TNFAIP8L3: variants seen among roughly 807,000 people sequenced by gnomAD.
TNFAIP8L3 encodes the protein TNF alpha induced protein 8 like 3.
TNFAIP8L3 carries 7 observed loss-of-function variants against 11.8 expected under a neutral mutation model. The ratio of observed to expected loss-of-function variants is 0.59; its 90% CI spans 0.34 to 1.11. The LOEUF is 1.11. Among genes scored for constraint, TNFAIP8L3 ranks in the 50% most tolerant of loss-of-function variants. The probability of loss-of-function intolerance (pLI) is 0.03; values close to 1 mark genes in which losing one functional copy is unlikely to be tolerated. For missense variants in TNFAIP8L3, 219 were observed against 258.6 expected (o/e 0.85, Z 1.05); for synonymous variants, 98 against 103.8 (o/e 0.94, Z 0.34).
chr15:51,058,239 A>G lies in TNFAIP8L3; in HGVS notation c.257T>C (p.Ile86Thr), dbSNP rs776624740. 1 of 1,614,114 alleles carries G rather than the reference A, an allele frequency of 6.2e-7. No homozygotes were observed. Among genetic ancestry groups the G allele is most frequent in the Non-Finnish European group, 8.5e-7 (1 of 1,180,032 alleles). ...KIMKDLIKVA[I>T]KIGILYRNNQ... ...GTTCCGGTAGAGGATCCCGATTTTG[A>G]TCGCCACCTTGATTAAGTCTTTCAT... The change falls in exon 2 of 2, where the codon ATC (isoleucine) becomes ACC (threonine). Residue 86 changes from isoleucine to threonine, a missense_variant. By Grantham distance (89) the Ile-to-Thr change is moderately conservative. Transcript: ENST00000637513.
chr15:51,101,945 C>CAAAAAAAAAAAAAAAAAAAAAAA (rs11297566), intron 1 of TNFAIP8L3, among the ~76,000 whole-genome samples: 5 of 85,716 alleles, frequency 5.8e-5, no homozygotes, highest in Admixed American at 4.0e-4. Flanking sequence ...GACTCTGTCT[C>CAAAAAAAAAAAAAAAAAAAAAAA]AAAAAAAAAA....
In TNFAIP8L3 at chr15:51,058,600, G is replaced by T. The variant is rs185361959; in HGVS notation, c.53-157C>A. Reference sequence around the variant, plus strand: ...CCTAACTAAACCCCACCCCAGCCTGGTTCCCCCACTTTCCTCTCCACATGA... The same window carrying T: ...CCTAACTAAACCCCACCCCAGCCTGTTTCCCCCACTTTCCTCTCCACATGA... On this transcript the variant is annotated intron_variant, in intron 1 of 1. Transcript: ENST00000637513. Among the ~76,000 whole-genome samples, 1,021 of 152,136 alleles carry T rather than the reference G, an allele frequency of 6.7e-3. 16 individuals are homozygous for T. Among genetic ancestry groups the T allele is most frequent in the African/African-American group, 0.024 (981 of 41,488 alleles).
At chr15:51,060,450 T>C (rs2065235130) in intron 1 of TNFAIP8L3, among the ~76,000 whole-genome samples, 1 of 152,224 alleles carries the variant, frequency 6.6e-6, no homozygotes, top group Non-Finnish European at 1.5e-5. Context: ...AAATGAGTCA[T>C]GGCTTTGTAG....
chr15:51,074,950 C>G (rs1354032636), intron 1 of TNFAIP8L3, among the ~76,000 whole-genome samples: 1 of 152,246 alleles, frequency 6.6e-6, no homozygotes, highest in Non-Finnish European at 1.5e-5. Context: ...GACTGGCCAT[C>G]TACTTTCCGC....
intron 1 of TNFAIP8L3, among the ~76,000 whole-genome samples, chr15:51,103,198 A>G (rs375933971): frequency 5.3e-5 from 8 of 152,292 alleles, no homozygotes; most frequent in African/African-American, 1.7e-4. Flanking sequence ...CAACCCTTCT[A>G]AAAGAGGAAT....
At chr15:51,103,938 G>C (rs2065571109) in intron 1 of TNFAIP8L3, among the ~76,000 whole-genome samples, 1 of 152,040 alleles carries the variant, frequency 6.6e-6, no homozygotes, top group Non-Finnish European at 1.5e-5. Context: ...GTTACTGGCA[G>C]GAAAGAGGAG....
At chr15:51,075,383 G>A (rs550537018) in intron 1 of TNFAIP8L3, among the ~76,000 whole-genome samples, 1 of 152,282 alleles carries the variant, frequency 6.6e-6, no homozygotes, top group East Asian at 1.9e-4. Context: ...CTCCATGGCA[G>A]AAGCACCCCT....
At chr15:51,083,908 G>T (rs1450733228) in intron 1 of TNFAIP8L3, among the ~76,000 whole-genome samples, 16 of 152,242 alleles carry the variant, frequency 1.1e-4, no homozygotes, top group Admixed American at 1.0e-3. Flanking sequence ...AGGACGGAGG[G>T]GCCTGGGACA....
At chr15:51,062,770 C>G (rs991510694) in intron 1 of TNFAIP8L3, among the ~76,000 whole-genome samples, 1 of 152,156 alleles carries the variant, frequency 6.6e-6, no homozygotes, top group Non-Finnish European at 1.5e-5. Flanking sequence ...TTAAGGTGTT[C>G]TATCAATTCC....
intron 1 of TNFAIP8L3, among the ~76,000 whole-genome samples, chr15:51,085,468 T>C (rs2065420989): frequency 6.6e-6 from 1 of 152,166 alleles, no homozygotes; most frequent in Non-Finnish European, 1.5e-5. Flanking sequence ...GGGCCTGTGC[T>C]GGTCTGACCT....
intron 1 of TNFAIP8L3, among the ~76,000 whole-genome samples, chr15:51,093,411 T>C (rs1210349956): frequency 1.3e-5 from 2 of 152,218 alleles, no homozygotes; most frequent in Non-Finnish European, 2.9e-5. Flanking sequence ...AATAACTGCC[T>C]GGCCAGGGGC....
intron 1 of TNFAIP8L3, among the ~76,000 whole-genome samples, chr15:51,061,177 T>C (rs1397299447): frequency 6.6e-6 from 1 of 152,186 alleles, no homozygotes; most frequent in Non-Finnish European, 1.5e-5. Context: ...TTATTTTATT[T>C]TGTTTTTTGA....
chr15:51,097,855 G>C (rs542152695), upstream of TNFAIP8L3, among the ~76,000 whole-genome samples: 1 of 45,898 alleles, frequency 2.2e-5, no homozygotes, highest in African/African-American at 6.6e-5. Flanking sequence ...TATTTCTTGT[G>C]GGGGGGGAAA....
At chr15:51,075,191 C>G (rs773114672) in intron 1 of TNFAIP8L3, among the ~76,000 whole-genome samples, 4 of 152,174 alleles carry the variant, frequency 2.6e-5, no homozygotes, top group Non-Finnish European at 2.9e-5. Context: ...GCAGGTGGAA[C>G]TGAATGTACT....
intron 1 of TNFAIP8L3, among the ~76,000 whole-genome samples, chr15:51,090,803 C>T (rs1161434065): frequency 6.6e-6 from 1 of 152,174 alleles, no homozygotes; most frequent in African/African-American, 2.4e-5. Context: ...CATGGAAATG[C>T]TTTTCTGCAG....
chr15:51,104,981 G>T, intron 1 of TNFAIP8L3: 4 of 1,613,852 alleles, frequency 2.5e-6, no homozygotes, highest in Non-Finnish European at 3.4e-6. Flanking sequence ...TTCCTTCTCT[G>T]CCAGTTCCTG....
intron 1 of TNFAIP8L3, among the ~76,000 whole-genome samples, chr15:51,077,644 G>T (rs1019347183): frequency 1.3e-5 from 2 of 152,180 alleles, no homozygotes; most frequent in African/African-American, 4.8e-5. Flanking sequence ...TCTGAAAGCT[G>T]AAAGACCCGA....
intron 1 of TNFAIP8L3, among the ~76,000 whole-genome samples, chr15:51,078,758 G>C (rs2065372411): frequency 6.6e-6 from 1 of 151,928 alleles, no homozygotes; most frequent in African/African-American, 2.4e-5. Context: ...GTCCAGACAA[G>C]AACCTGGGGA....
At chr15:51,059,158 G>T (rs1355774569) in intron 1 of TNFAIP8L3, among the ~76,000 whole-genome samples, 3 of 152,190 alleles carry the variant, frequency 2.0e-5, no homozygotes, top group African/African-American at 7.2e-5. Flanking sequence ...GAGTTGTACT[G>T]TGGGAACACA....
Sources: gnomAD v4.1 joint callset for allele counts (sites outside exome capture counted in the v4.1 genomes callset) on GRCh38, gnomAD v4.1.1 for gene constraint, MANE v1.5 for transcripts, NCBI Gene and HGNC (gene_info 2026-07-23, HGNC 2026-07-21) for gene names.